Variants in CUBN observed in about 807,000 individuals in gnomAD.
CUBN encodes cubilin, also known as 460 kDa receptor.
CUBN carries 282 observed loss-of-function variants against 405.3 expected under a neutral mutation model. The observed-to-expected ratio is 0.70, with a 90% CI of 0.63 to 0.77. The LOEUF is 0.77. Among genes scored for constraint, CUBN ranks in the 30% least tolerant of loss-of-function variants. The pLI, the probability that CUBN is intolerant of heterozygous loss-of-function variation, is 0.00. For synonymous variants in CUBN, 1,684 were observed against 1,617.0 expected (o/e 1.04, Z -0.99); for missense variants, 4,514 against 4,475.2 (o/e 1.01, Z -0.25).
At chr10:16,929,104 A>AG (rs1291827325) in intron 40 of CUBN, among the ~76,000 whole-genome samples, 4 of 151,228 alleles carry the variant, frequency 2.6e-5, no homozygotes, top group Non-Finnish European at 5.9e-5. Flanking sequence ...CTTCAGTGCC[A>AG]GTGGGGTTTT....
rs193205333 is a variant in CUBN at position 16,850,509 on chromosome 10, C to T, written c.9663+726G>A. 5.9e-5 allele frequency among the ~76,000 whole-genome samples: 9 copies of T among 152,152 alleles called. No homozygotes were observed. The East Asian group carries it at 1.5e-3, about 26-fold the overall frequency. ...ATTTTTGAGACGGAGTCTTGCTCTG[C>T]TACCCAGGCTAGAGTGCAGTGGCGA... On this transcript the variant is annotated intron_variant, in intron 60 of 66. Coordinates refer to ENST00000377833, the MANE Select transcript of CUBN (RefSeq NM_001081.4).
chr10:16,872,144 G>A (rs892481609), intron 58 of CUBN, among the ~76,000 whole-genome samples: 1 of 152,094 alleles, frequency 6.6e-6, no homozygotes, highest in African/African-American at 2.4e-5. Context: ...GGAGGCTAAG[G>A]TGGGAGAATC....
intron 27 of CUBN, among the ~76,000 whole-genome samples, chr10:17,038,459 T>C (rs1011521087): frequency 6.6e-6 from 1 of 152,220 alleles, no homozygotes; most frequent in African/African-American, 2.4e-5. Context: ...GGTGAAATAA[T>C]AAAGGATGCA....
intron 54 of CUBN, among the ~76,000 whole-genome samples, chr10:16,892,335 G>A (rs1841055506): frequency 6.6e-6 from 1 of 151,874 alleles, no homozygotes; most frequent in African/African-American, 2.4e-5. Context: ...CAATAAAAAT[G>A]TCAGGAAAAA....
chr10:16,995,029 C>A (rs554787739), intron 28 of CUBN, among the ~76,000 whole-genome samples: 1 of 152,070 alleles, frequency 6.6e-6, no homozygotes, highest in Non-Finnish European at 1.5e-5. Context: ...AGGTGGAAGT[C>A]GCATTGAGCC....
At chr10:17,027,145 A>C (rs1448191128) in intron 27 of CUBN, among the ~76,000 whole-genome samples, 1 of 152,226 alleles carries the variant, frequency 6.6e-6, no homozygotes, top group Non-Finnish European at 1.5e-5. Context: ...TCCTATTAGA[A>C]GCCACAATTT....
At position 16,907,566 on chromosome 10, in the gene CUBN, C is replaced by T. The variant is rs778608603; in HGVS notation, c.7647G>A (p.Thr2549=). The T allele has an allele frequency of 7.4e-6, 12 of 1,613,884 alleles. No homozygotes were observed. The highest frequency in any genetic ancestry group is 1.3e-5 in the African/African-American group (1 of 74,900). The change falls in exon 49 of 67, where the codon ACG becomes ACA. Residue 2549 remains threonine (T), a synonymous_variant. Transcript: ENST00000377833. ...AGCCGCCATATGGCCTGGATCCATC[C>T]GTGAAAAAAATGACTTTCATTGTGT... ...SGNTMKVIFF[T]DGSRPYGGFT...
At chr10:16,827,774 T>A (rs1384882635) in intron 66 of CUBN, among the ~76,000 whole-genome samples, 2 of 152,246 alleles carry the variant, frequency 1.3e-5, no homozygotes, top group Non-Finnish European at 2.9e-5. Flanking sequence ...CTAATTTTTG[T>A]ATTTTTAGTA....
Position 17,123,577 on chromosome 10 carries a change from A to C in CUBN, c.489+11T>G. On this transcript the variant is annotated intron_variant, in intron 5 of 66. Coordinates refer to ENST00000377833, the MANE Select transcript of CUBN (RefSeq NM_001081.4). ...CTGCCATCATTCTTAACCAAAGAGT[A>C]GATGACTCACCTTCCACTGTGGGGG... The C allele has an allele frequency of 6.3e-7, 1 of 1,589,474 alleles. No homozygotes were observed. The highest frequency in any genetic ancestry group is 2.2e-5 in the East Asian group (1 of 44,772).
chr10:16,868,138 A>G (rs1333907943), intron 59 of CUBN, among the ~76,000 whole-genome samples: 1 of 152,022 alleles, frequency 6.6e-6, no homozygotes, highest in East Asian at 1.9e-4. Context: ...CTGTTAAGGC[A>G]ACACTCTCTC....
chr10:16,872,629 G>A (rs1003234602), intron 58 of CUBN, among the ~76,000 whole-genome samples: 1 of 152,136 alleles, frequency 6.6e-6, no homozygotes, highest in Non-Finnish European at 1.5e-5. Flanking sequence ...ACCAGACAAC[G>A]AATCTGCCTC....
At position 16,840,055 on chromosome 10, in the gene CUBN, G is replaced by C. The variant is rs547847232; in HGVS notation, c.10032+275C>G. ...CACAGGAAGGGGAACATCACACACC[G>C]GGGCCTGTTGTGGGGTGGGGGAAGA... On this transcript the variant is annotated intron_variant, in intron 62 of 66. Transcript: ENST00000377833. 7.8e-5 allele frequency among the ~76,000 whole-genome samples: 11 copies of C among 140,760 alleles called. No individual in the cohort carries two copies. The South Asian group carries it at 1.9e-3, about 25-fold the overall frequency. 92.3% of individuals were successfully genotyped at this position (140,760 alleles called of 152,430 possible).
intron 17 of CUBN, among the ~76,000 whole-genome samples, chr10:17,074,149 A>G (rs758374420): frequency 6.6e-6 from 1 of 152,242 alleles, no homozygotes. Flanking sequence ...TGTGCAGGTG[A>G]CAATACCATG....
chr10:16,977,318 C>T (rs367578270), intron 31 of CUBN, among the ~76,000 whole-genome samples: 2 of 152,062 alleles, frequency 1.3e-5, no homozygotes, highest in African/African-American at 4.8e-5. Flanking sequence ...TTCATATAAA[C>T]CCCTAAACCC....
At chr10:17,027,998 T>A (rs1017509481) in intron 27 of CUBN, among the ~76,000 whole-genome samples, 2 of 151,992 alleles carry the variant, frequency 1.3e-5, no homozygotes, top group East Asian at 3.9e-4. Context: ...CCACAAAAAT[T>A]AAAAATTTTA....
intron 22 of CUBN, among the ~76,000 whole-genome samples, chr10:17,054,617 T>C (rs1479134338): frequency 6.6e-6 from 1 of 151,982 alleles, no homozygotes; most frequent in Non-Finnish European, 1.5e-5. Context: ...AATTACCATT[T>C]TCAGGAATGA....
At chr10:17,071,331 A>T in intron 19 of CUBN, 95 bp downstream of exon 19, 1 of 1,310,990 alleles carries the variant, frequency 7.6e-7, no homozygotes, top group Non-Finnish European at 1.1e-6. Context: ...TACATAAACT[A>T]CTTTCATTTC....
At chr10:17,127,605 C>A (rs1837229061) in intron 3 of CUBN, among the ~76,000 whole-genome samples, 1 of 152,038 alleles carries the variant, frequency 6.6e-6, no homozygotes. Context: ...CTGCTCCCAG[C>A]CCAAGGCCTA....
At chr10:17,020,560 T>C (rs7904537) in intron 27 of CUBN, among the ~76,000 whole-genome samples, 96,715 of 151,940 alleles carry the variant, frequency 0.64, 31,270 homozygotes, top group African/African-American at 0.77. Flanking sequence ...AAAATACAAA[T>C]ATTGATTCGA....
Sources: allele counts gnomAD v4.1 joint callset (sites outside exome capture counted in the v4.1 genomes callset), GRCh38; gene constraint gnomAD v4.1.1; transcripts MANE v1.5; gene names NCBI Gene and HGNC (gene_info 2026-07-23, HGNC 2026-07-21).